The following RFX3 variants were observed in gnomAD, a reference collection of about 807,000 sequenced individuals.
RFX3 encodes transcription factor RFX3.
In RFX3, 14 loss-of-function variants were observed where a neutral mutation model predicts 98.6. The ratio of observed to expected loss-of-function variants is 0.14; its 90% CI spans 0.09 to 0.22. RFX3 has a LOEUF of 0.22. RFX3 is among the 10% of genes least tolerant of loss of function. The pLI, the probability that RFX3 is intolerant of heterozygous loss-of-function variation, is 1.00. For missense variants in RFX3, 639 were observed against 926.9 expected (o/e 0.69, Z 4.03); for synonymous variants, 383 against 328.4 (o/e 1.17, Z -1.80).
At chr9:3,242,513 T>C (rs1294779063) in intron 15 of RFX3, among the ~76,000 whole-genome samples, 1 of 152,160 alleles carries the variant, frequency 6.6e-6, no homozygotes, top group Non-Finnish European at 1.5e-5. Context: ...GTGTATTCCC[T>C]AGTCACACTA....
At chr9:3,358,126 G>A (rs1835987365) in intron 2 of RFX3, among the ~76,000 whole-genome samples, 1 of 152,010 alleles carries the variant, frequency 6.6e-6, no homozygotes, top group Admixed American at 6.6e-5. Context: ...ATTTCTTTAA[G>A]CAATGATTTC....
intron 6 of RFX3, among the ~76,000 whole-genome samples, chr9:3,292,508 G>A (rs575887640): frequency 1.3e-5 from 2 of 152,234 alleles, no homozygotes; most frequent in African/African-American, 4.8e-5. Context: ...GTAAAATAGA[G>A]CTATCTCATC....
intron 4 of RFX3, among the ~76,000 whole-genome samples, chr9:3,307,080 G>A (rs2130310500): frequency 6.6e-6 from 1 of 152,078 alleles, no homozygotes; most frequent in East Asian, 1.9e-4. Flanking sequence ...CTCTCTTTTT[G>A]CCTGCCACCA....
chr9:3,261,510 G>T (rs1822886776), intron 13 of RFX3, among the ~76,000 whole-genome samples: 1 of 152,204 alleles, frequency 6.6e-6, no homozygotes, highest in South Asian at 2.1e-4. Context: ...ATATTCCATT[G>T]TATGGATAGA....
At chr9:3,281,809 G>A (rs1825947292) in intron 7 of RFX3, among the ~76,000 whole-genome samples, 1 of 151,766 alleles carries the variant, frequency 6.6e-6, no homozygotes, top group Non-Finnish European at 1.5e-5. Context: ...TACTGTAAAA[G>A]TAATATTCTG....
intron 11 of RFX3, among the ~76,000 whole-genome samples, chr9:3,268,420 T>C (rs1448162728): frequency 6.6e-6 from 1 of 151,768 alleles, no homozygotes. Context: ...ATTTAAACTC[T>C]ATTCCAAAGC....
At chr9:3,364,447 G>A in intron 2 of RFX3, 1 of 259,104 alleles carries the variant, frequency 3.9e-6, no homozygotes, top group Non-Finnish European at 7.5e-6. Flanking sequence ...TAATTTGAAG[G>A]GCCACAGGAA....
intron 4 of RFX3, among the ~76,000 whole-genome samples, chr9:3,313,895 G>C (rs1160573036): frequency 6.6e-6 from 1 of 152,192 alleles, no homozygotes; most frequent in Non-Finnish European, 1.5e-5. Context: ...ATCTACGTCT[G>C]ATTGGTGTAC....
chr9:3,357,515 C>A (rs747097257), intron 2 of RFX3, among the ~76,000 whole-genome samples: 1 of 151,702 alleles, frequency 6.6e-6, no homozygotes, highest in South Asian at 2.1e-4. Flanking sequence ...ATTTGTGGCA[C>A]GCAGGAAAGC....
chr9:3,314,106 T>C (rs996497825), intron 4 of RFX3, among the ~76,000 whole-genome samples: 6 of 152,030 alleles, frequency 3.9e-5, no homozygotes, highest in African/African-American at 7.2e-5. Flanking sequence ...GAAAAAATAT[T>C]AAGGGCAGCC....
At chr9:3,420,661 TAAAAG>T (rs1843366932) in intron 1 of RFX3, 1 of 373,394 alleles carries the variant, frequency 2.7e-6, no homozygotes, top group Non-Finnish European at 3.7e-6. Flanking sequence ...CCCACATAGA[TAAAAG>T]AAGAGGAGTA....
At chr9:3,513,179 C>A (rs929592152) in intron 1 of RFX3, among the ~76,000 whole-genome samples, 3 of 151,964 alleles carry the variant, frequency 2.0e-5, no homozygotes, top group African/African-American at 7.2e-5. Context: ...AAATAAAAAA[C>A]CAAAAGCTTA....
At chr9:3,398,914 T>TAAAAAAAAAAAAAAAAAAA (rs71324247) in intron 1 of RFX3, among the ~76,000 whole-genome samples, 2 of 67,568 alleles carry the variant, frequency 3.0e-5, no homozygotes, top group African/African-American at 9.7e-5. Context: ...TAGAGTATAA[T>TAAAAAAAAAAAAAAAAAAA]AAAAAAAAAA....
rs534472026 is a variant in RFX3, at chr9:3,498,538, T to C, written c.-9+27209A>G. Among the ~76,000 whole-genome samples, 142 of 152,204 alleles carry C rather than the reference T, an allele frequency of 9.3e-4. 1 individual carries two copies. The South Asian group carries it at 0.028, about 30-fold the overall frequency. On this transcript the variant is annotated intron_variant, in intron 1 of 16. Coordinates refer to ENST00000617270, the MANE Select transcript of RFX3 (RefSeq NM_001282116.2). ...CTACAGTACACTTTTAAGTTGTTGATAAACTGTTTAAAAATACTTCCCTGA... is the reference window on the plus strand; with the variant it reads ...CTACAGTACACTTTTAAGTTGTTGACAAACTGTTTAAAAATACTTCCCTGA...
At chr9:3,307,759 T>C (rs1235746273) in intron 4 of RFX3, among the ~76,000 whole-genome samples, 2 of 152,210 alleles carry the variant, frequency 1.3e-5, no homozygotes, top group Admixed American at 6.5e-5. Flanking sequence ...CATTTTGTTA[T>C]TGAAATTTCA....
At chr9:3,513,040 T>A (rs1817798306) in intron 1 of RFX3, among the ~76,000 whole-genome samples, 1 of 152,132 alleles carries the variant, frequency 6.6e-6, no homozygotes, top group South Asian at 2.1e-4. Flanking sequence ...CTCATTTCTT[T>A]ATGCTCCTTA....
At chr9:3,269,117 G>C (rs1824038575) in intron 11 of RFX3, among the ~76,000 whole-genome samples, 1 of 151,730 alleles carries the variant, frequency 6.6e-6, no homozygotes, top group South Asian at 2.1e-4. Flanking sequence ...ACTTGCTGTA[G>C]GTAGAGTAGA....
chr9:3,518,333 A>G (rs1818377055), intron 1 of RFX3, among the ~76,000 whole-genome samples: 1 of 152,222 alleles, frequency 6.6e-6, no homozygotes, highest in African/African-American at 2.4e-5. Flanking sequence ...TCACTGGCGA[A>G]AGGAAGCAGA....
chr9:3,475,640 A>C (rs550243712), intron 1 of RFX3, among the ~76,000 whole-genome samples: 13 of 152,316 alleles, frequency 8.5e-5, no homozygotes, highest in Admixed American at 7.8e-4. Context: ...CATATCAGAG[A>C]CTTTTAGTAC....
Sources: allele counts gnomAD v4.1 joint callset (sites outside exome capture counted in the v4.1 genomes callset), GRCh38; gene constraint gnomAD v4.1.1; transcripts MANE v1.5; gene names NCBI Gene and HGNC (gene_info 2026-07-23, HGNC 2026-07-21).